Variants in DAB1 observed in about 807,000 individuals in gnomAD.
The protein encoded by DAB1 is DAB adaptor protein 1.
DAB1 carries 15 observed loss-of-function variants against 64.6 expected under a neutral mutation model. The observed-to-expected ratio is 0.23, with a 90% CI of 0.16 to 0.36. The LOEUF (loss-of-function observed/expected upper bound fraction) is 0.36, where lower values mean the gene tolerates loss of function less well. Ranked by LOEUF, DAB1 falls within the 10% of genes least tolerant of loss-of-function variation. The pLI, the probability that DAB1 is intolerant of heterozygous loss-of-function variation, is 1.00. For missense variants in DAB1, 596 were observed against 706.7 expected, an observed-to-expected ratio of 0.84 and a Z score of 1.78; for synonymous variants, 235 against 251.9, an observed-to-expected ratio of 0.93 and a Z score of 0.64.
At chr1:57,426,874 A>ATATATATT (rs57970737), upstream of DAB1, among the ~76,000 whole-genome samples, 61 of 149,278 alleles carry the variant, frequency 4.1e-4, no homozygotes, top group African/African-American at 1.4e-3. Flanking sequence ...ATATATATAT[A>ATATATATT]TTTTTTTGAG....
intron 7 of DAB1, among the ~76,000 whole-genome samples, chr1:57,445,618 G>A (rs544541066): frequency 1.1e-4 from 17 of 152,038 alleles, no homozygotes; most frequent in Non-Finnish European, 2.4e-4. Flanking sequence ...TTATCCATTC[G>A]AATTCCAAGG....
At chr1:58,043,762 C>G (rs1647177982) in intron 5 of DAB1, among the ~76,000 whole-genome samples, 1 of 152,032 alleles carries the variant, frequency 6.6e-6, no homozygotes, top group African/African-American at 2.4e-5. Flanking sequence ...GAGTCTTGCT[C>G]TGTCACCCAG....
intron 1 of DAB1, among the ~76,000 whole-genome samples, chr1:57,376,289 A>G (rs1265407817): frequency 6.6e-6 from 1 of 152,218 alleles, no homozygotes; most frequent in Non-Finnish European, 1.5e-5. Flanking sequence ...TGCGCTGATC[A>G]TCAATGGGCA....
chr1:57,734,816 A>T (rs1368129283), intron 6 of DAB1, among the ~76,000 whole-genome samples: 1 of 152,174 alleles, frequency 6.6e-6, no homozygotes, highest in Non-Finnish European at 1.5e-5. Flanking sequence ...GTCACCAGCT[A>T]CCAGTAAACA....
intron 7 of DAB1, among the ~76,000 whole-genome samples, chr1:57,590,034 T>C (rs893751081): frequency 3.3e-5 from 5 of 152,132 alleles, no homozygotes; most frequent in Admixed American, 6.5e-5. Flanking sequence ...AGAGATATCA[T>C]AAAAAATAAC....
intron 7 of DAB1, among the ~76,000 whole-genome samples, chr1:57,457,746 G>A (rs1686650480): frequency 6.6e-6 from 1 of 151,964 alleles, no homozygotes; most frequent in Admixed American, 6.6e-5. Flanking sequence ...ACTCCCAGAG[G>A]GAGAAAAATA....
At chr1:57,660,471 T>C (rs1646373641) in intron 6 of DAB1, among the ~76,000 whole-genome samples, 2 of 152,158 alleles carry the variant, frequency 1.3e-5, no homozygotes, top group Non-Finnish European at 1.5e-5. Flanking sequence ...GGGCCCTGTG[T>C]TGTAAACCTT....
chr1:58,038,078 G>C (rs1411420561), intron 5 of DAB1, among the ~76,000 whole-genome samples: 1 of 152,154 alleles, frequency 6.6e-6, no homozygotes, highest in Non-Finnish European at 1.5e-5. Flanking sequence ...TTAAGCAGAA[G>C]ACTGACTTGA....
At chr1:57,589,686 G>T (rs1011017566) in intron 7 of DAB1, among the ~76,000 whole-genome samples, 1 of 152,078 alleles carries the variant, frequency 6.6e-6, no homozygotes, top group Non-Finnish European at 1.5e-5. Flanking sequence ...GAATCCAGGA[G>T]GGGGAGGTTG....
chr1:57,954,354 C>A (rs148722718), intron 5 of DAB1, among the ~76,000 whole-genome samples: 1 of 151,984 alleles, frequency 6.6e-6, no homozygotes, highest in East Asian at 1.9e-4. Flanking sequence ...AATGAGCATG[C>A]GATATAAGCC....
intron 14 of DAB1, among the ~76,000 whole-genome samples, chr1:57,004,186 C>T (rs1312110351): frequency 4.6e-5 from 7 of 152,164 alleles, no homozygotes; most frequent in Non-Finnish European, 1.0e-4. Context: ...AGGGTTCAGA[C>T]TCCCATTTCT....
intron 5 of DAB1, among the ~76,000 whole-genome samples, chr1:58,143,001 G>A (rs930921809): frequency 1.3e-5 from 2 of 152,008 alleles, no homozygotes; most frequent in African/African-American, 2.4e-5. Context: ...GGAAATTCTC[G>A]GTGTTCCTTC....
chr1:58,169,472 G>C (rs1274468119), intron 4 of DAB1, among the ~76,000 whole-genome samples: 1 of 152,110 alleles, frequency 6.6e-6, no homozygotes, highest in African/African-American at 2.4e-5. Context: ...GGAACAATTT[G>C]ACCTGCAAAC....
At chr1:58,079,505 A>G (rs1649855928) in intron 5 of DAB1, among the ~76,000 whole-genome samples, 1 of 143,874 alleles carries the variant, frequency 7.0e-6, no homozygotes, top group African/African-American at 2.5e-5. Flanking sequence ...TAAATGAATG[A>G]GCATACCATC....
rs747516470 is a variant in DAB1 at position 57,015,184 on chromosome 1, T to A, written c.1143A>T (p.Gln381His). ...TVMPLPAAMF[Q>H]GPLTPLATVP... The stretch of plus-strand genomic sequence containing the variant: ...CGGTGGCAAGGGGGGTGAGGGGACC[T>A]TGGAACATGGCAGCTGGCAAAGGCA... The change falls in exon 12 of 15, where the codon CAA becomes CAT. Residue 381 changes from glutamine to histidine, a missense_variant. This residue lies in a region of DAB1 where 377 missense variants were observed against 400.4 expected (regional missense o/e 0.94). Transcript: ENST00000371236. 1 of 1,614,032 alleles carries A rather than the reference T, an allele frequency of 6.2e-7. No individual in the cohort carries two copies. Among genetic ancestry groups the A allele is most frequent in the Non-Finnish European group, 8.5e-7 (1 of 1,179,982 alleles).
chr1:57,771,483 C>T (rs1649558416), intron 6 of DAB1, among the ~76,000 whole-genome samples: 1 of 152,002 alleles, frequency 6.6e-6, no homozygotes, highest in Non-Finnish European at 1.5e-5. Flanking sequence ...CTATTTAGTT[C>T]TTATAACTGC....
chr1:58,427,473 T>C lies in DAB1; in HGVS notation n.257+78587A>G, dbSNP rs185063918. Among the ~76,000 whole-genome samples, 57 of 152,028 alleles carry C rather than the reference T, an allele frequency of 3.7e-4. 1 individual carries two copies. The highest frequency in any genetic ancestry group is 1.4e-3 in the African/African-American group (56 of 41,460). ...GGAGTCGAGGGGAACAGTTAGGAGA[T>C]TATGGACTTAATTCAGGTGAGAGGT... On this transcript the variant is annotated intron_variant and non_coding_transcript_variant, in intron 3 of 20. Coordinates refer to the DAB1 transcript ENST00000485760.
chr1:57,475,172 G>A (rs1643918985), intron 7 of DAB1, among the ~76,000 whole-genome samples: 1 of 152,324 alleles, frequency 6.6e-6, no homozygotes, highest in Non-Finnish European at 1.5e-5. Flanking sequence ...AGCTACTCAG[G>A]AGGCTGAGGC....
intron 2 of DAB1, among the ~76,000 whole-genome samples, chr1:57,275,459 T>C (rs1428004872): frequency 6.6e-6 from 1 of 152,172 alleles, no homozygotes; most frequent in Non-Finnish European, 1.5e-5. Flanking sequence ...TGACAGATAT[T>C]AGAAAAATGT....
Sources: allele counts gnomAD v4.1 joint callset (sites outside exome capture counted in the v4.1 genomes callset), GRCh38; gene constraint gnomAD v4.1.1; regional missense constraint gnomAD v4.1.1; transcripts MANE v1.5; gene names NCBI Gene and HGNC (gene_info 2026-07-23, HGNC 2026-07-21).